KANK1: variants seen among roughly 807,000 people sequenced by gnomAD.
KANK1 encodes KN motif and ankyrin repeat domains 1, also known as KN motif and ankyrin repeat domain-containing protein 1.
Under a neutral mutation model 106.2 loss-of-function variants are expected in KANK1, and 109 were observed. The ratio of observed to expected loss-of-function variants is 1.03; its 90% CI spans 0.88 to 1.20. The LOEUF is 1.20. Among genes scored for constraint, KANK1 ranks in the 50% most tolerant of loss-of-function variants. KANK1 has a pLI of 0.00. For synonymous variants in KANK1, 873 were observed against 652.2 expected, an observed-to-expected ratio of 1.34 and a Z score of -5.16; for missense variants, 2,399 against 1,710.7, an observed-to-expected ratio of 1.40 and a Z score of -7.10.
intron 1 of KANK1, among the ~76,000 whole-genome samples, chr9:613,930 C>G (rs1178420221): frequency 2.0e-5 from 3 of 152,144 alleles, no homozygotes; most frequent in Non-Finnish European, 4.4e-5. Flanking sequence ...GATCTCATTT[C>G]TGCGCCCTAC....
At chr9:602,408 C>T (rs894113220) in intron 1 of KANK1, among the ~76,000 whole-genome samples, 1 of 151,644 alleles carries the variant, frequency 6.6e-6, no homozygotes, top group East Asian at 1.9e-4. Flanking sequence ...TACAGGCATG[C>T]ACCACCATGC....
chr9:725,928 A>ATTTTTTTTTTTTTTTTTTTTTTTTTT, intron 3 of KANK1, among the ~76,000 whole-genome samples: 1 of 152,338 alleles, frequency 6.6e-6, no homozygotes, highest in East Asian at 1.9e-4. Context: ...TAAATGTTTA[A>ATTTTTTTTTTTTTTTTTTTTTTTTTT]TTTTTGTTAG....
intron 1 of KANK1, among the ~76,000 whole-genome samples, chr9:569,660 C>T (rs1049449051): frequency 1.3e-5 from 2 of 152,188 alleles, no homozygotes; most frequent in Non-Finnish European, 2.9e-5. Flanking sequence ...TTGACTGAGA[C>T]AATACGTATA....
Position 616,016 on chromosome 9 carries a change from A to G in KANK1, c.-83-60874A>G, listed in dbSNP as rs148996267. 2.6e-3 allele frequency among the ~76,000 whole-genome samples: 399 copies of G among 152,338 alleles called. 7 individuals are homozygous for G. Among genetic ancestry groups the G allele is most frequent in the African/African-American group, 9.1e-3 (378 of 41,578 alleles). On this transcript the variant is annotated intron_variant, in intron 1 of 11. Transcript: ENST00000382297. ...CATGAAAGCCTAAGGAAGGTTTCTCATATTAAGGATCAACAGGGACTCTTC... is the reference window on the plus strand; with the variant it reads ...CATGAAAGCCTAAGGAAGGTTTCTCGTATTAAGGATCAACAGGGACTCTTC...
intron 2 of KANK1, chr9:684,067 A>T: frequency 1.6e-6 from 1 of 628,846 alleles, no homozygotes; most frequent in Non-Finnish European, 2.0e-6. Context: ...GAATTCACCC[A>T]GCCCCCGGAG....
At chr9:726,695 C>T (rs1156462408) in intron 3 of KANK1, among the ~76,000 whole-genome samples, 2 of 152,078 alleles carry the variant, frequency 1.3e-5, no homozygotes, top group Non-Finnish European at 2.9e-5. Context: ...CGTGGTGGCT[C>T]ATGCCTATAA....
Position 745,272 on chromosome 9 carries a change from T to G in KANK1, c.*37T>G, listed in dbSNP as rs776900220. ...TAGCCCTTTATTTACATGCCACTAT[T>G]AAGCTGCTAATTGTTCCTGTTGGGG... On this transcript the variant is annotated 3_prime_UTR_variant, in exon 12 of 12. Transcript: ENST00000382297. The G allele has an allele frequency of 4.3e-6, 7 of 1,612,726 alleles. No homozygotes were observed. The African/African-American group carries it at 9.3e-5, about 22-fold the overall frequency.
intron 3 of KANK1, among the ~76,000 whole-genome samples, chr9:725,851 CTA>C (rs1447574175): frequency 6.6e-6 from 1 of 152,116 alleles, no homozygotes; most frequent in Non-Finnish European, 1.5e-5. Context: ...TTCTAAGAAT[CTA>C]AGAGATTTCA....
chr9:558,193 C>T (rs987383744), intron 1 of KANK1, among the ~76,000 whole-genome samples: 5 of 152,110 alleles, frequency 3.3e-5, no homozygotes, highest in Admixed American at 1.3e-4. Context: ...AAGTCTAGAC[C>T]TATGACTTGG....
chr9:632,407 A>T (rs1404670836), intron 1 of KANK1, among the ~76,000 whole-genome samples: 1 of 152,202 alleles, frequency 6.6e-6, no homozygotes, highest in East Asian at 1.9e-4. Flanking sequence ...CTTAAAATGA[A>T]AGTTGAATGG....
At chr9:656,635 C>T (rs964025250) in intron 1 of KANK1, among the ~76,000 whole-genome samples, 1 of 152,106 alleles carries the variant, frequency 6.6e-6, no homozygotes, top group Non-Finnish European at 1.5e-5. Flanking sequence ...CTCCCGGTGC[C>T]TGAATATTTG....
intron 1 of KANK1, among the ~76,000 whole-genome samples, chr9:592,194 C>G (rs906632220): frequency 6.6e-6 from 1 of 151,800 alleles, no homozygotes; most frequent in Non-Finnish European, 1.5e-5. Flanking sequence ...CAGCCAAATT[C>G]TCTTACCTGG....
intron 1 of KANK1, among the ~76,000 whole-genome samples, chr9:598,044 A>G (rs1251770841): frequency 6.6e-6 from 1 of 151,674 alleles, no homozygotes; most frequent in South Asian, 2.1e-4. Context: ...AATTTTTCAT[A>G]TGGTATGGGG....
At chr9:528,139 G>GAAAAAAA (rs77736906) in intron 1 of KANK1, among the ~76,000 whole-genome samples, 1 of 125,864 alleles carries the variant, frequency 7.9e-6, no homozygotes, top group African/African-American at 2.9e-5. Flanking sequence ...TCCGTCTCGG[G>GAAAAAAA]AAAAAAAAAA....
Position 710,947 on chromosome 9 carries a change from C to T in KANK1, c.181C>T (p.Leu61=). ...DIQKGNTIKR[L]NIQKRRKPSV... ...ACAGAAGGGAAATACCATCAAAAGA[C>T]TGAACATCCAGAAGAGGCGGAAGCC... The change falls in exon 3 of 12, where the codon CTG becomes TTG. Residue 61 remains leucine, a synonymous_variant. Transcript: ENST00000382297. 3 of 1,614,138 alleles carry T rather than the reference C, an allele frequency of 1.9e-6. No individual in the cohort carries two copies. Among genetic ancestry groups the T allele is most frequent in the Non-Finnish European group, 2.5e-6 (3 of 1,180,036 alleles).
At chr9:571,332 G>A (rs968161750) in intron 1 of KANK1, among the ~76,000 whole-genome samples, 1 of 152,220 alleles carries the variant, frequency 6.6e-6, no homozygotes, top group African/African-American at 2.4e-5. Flanking sequence ...TGATAATGCA[G>A]AAGTTACAGA....
chr9:643,290 A>G (rs551874119), intron 1 of KANK1, among the ~76,000 whole-genome samples: 1 of 150,918 alleles, frequency 6.6e-6, no homozygotes, highest in Non-Finnish European at 1.5e-5. Context: ...GCCTTTAAAT[A>G]TCTTTTTGAT....
intron 3 of KANK1, among the ~76,000 whole-genome samples, chr9:484,745 G>A (rs4742043): frequency 0.23 from 35,353 of 152,038 alleles, 4,935 homozygotes; most frequent in East Asian, 0.44. Flanking sequence ...GAGGGAACAC[G>A]GTACACCTCC....
Position 508,121 on chromosome 9 carries a change from C to CTT in KANK1, c.-84+3400_-84+3401dup, listed in dbSNP as rs71314711. ...ACAGGTGTGAGACACCCTGCTCAGC[C>CTT]TTTTTTTTTTTTTTTTTTTTTTTTT... On this transcript the variant is annotated intron_variant, in intron 1 of 11. Transcript: ENST00000382297. Among the ~76,000 whole-genome samples the CTT allele has an allele frequency of 5.7e-3, 225 of 39,158 alleles. 5 individuals carry two copies. Among genetic ancestry groups the CTT allele is most frequent in the East Asian group, 0.014 (16 of 1,146 alleles). The allele number at this position is 39,158 out of a possible 152,430, so 25.7% of individuals were successfully genotyped here.
Sources: allele counts gnomAD v4.1 joint callset (sites outside exome capture counted in the v4.1 genomes callset), GRCh38; gene constraint gnomAD v4.1.1; transcripts MANE v1.5; gene names NCBI Gene and HGNC (gene_info 2026-07-23, HGNC 2026-07-21).